Variants in PRKCA observed in about 807,000 individuals in gnomAD.
PRKCA encodes the protein protein kinase C alpha type.
A neutral mutation model predicts 87.0 loss-of-function variants in PRKCA; 27 were observed. The observed-to-expected ratio is 0.31, with a 90% confidence interval of 0.23 to 0.43. PRKCA has a LOEUF of 0.43. PRKCA is among the 20% of genes least tolerant of loss of function. The pLI is 1.00. For synonymous variants in PRKCA, 329 were observed against 311.1 expected (o/e 1.06, Z -0.61); for missense variants, 518 against 852.3 (o/e 0.61, Z 4.88).
At chr17:66,459,656 A>G (rs966587836) in intron 2 of PRKCA, among the ~76,000 whole-genome samples, 2 of 152,154 alleles carry the variant, frequency 1.3e-5, no homozygotes, top group African/African-American at 4.8e-5. Context: ...TAAGCAGCAA[A>G]GAGAGACCCA....
chr17:66,399,814 A>G (rs1409838535), intron 2 of PRKCA, among the ~76,000 whole-genome samples: 1 of 152,188 alleles, frequency 6.6e-6, no homozygotes, highest in South Asian at 2.1e-4. Context: ...TGAATAATAT[A>G]ACATTATATA....
intron 2 of PRKCA, among the ~76,000 whole-genome samples, chr17:66,396,276 T>TA: frequency 6.6e-6 from 1 of 152,180 alleles, no homozygotes; most frequent in Admixed American, 6.5e-5. Flanking sequence ...AACATTAGAG[T>TA]ATTTTGTGTG....
chr17:66,482,114 A>G (rs918365831), intron 2 of PRKCA, among the ~76,000 whole-genome samples: 8 of 150,502 alleles, frequency 5.3e-5, no homozygotes, highest in Admixed American at 1.3e-4. Flanking sequence ...AAAAAAAAAA[A>G]AAAGAAAAAA....
At chr17:66,655,707 CGAT>C (rs149408133) in intron 5 of PRKCA, among the ~76,000 whole-genome samples, 1 of 151,942 alleles carries the variant, frequency 6.6e-6, no homozygotes, top group Non-Finnish European at 1.5e-5. Context: ...TCTGTTGAGC[CGAT>C]GATGATGATG....
chr17:66,540,392 G>C (rs1397849637), intron 3 of PRKCA, among the ~76,000 whole-genome samples: 2 of 152,168 alleles, frequency 1.3e-5, no homozygotes, highest in South Asian at 4.1e-4. Context: ...GGGGCTTGAC[G>C]CTGGGGGGAC....
intron 2 of PRKCA, among the ~76,000 whole-genome samples, chr17:66,494,411 G>C (rs769239522): frequency 1.3e-5 from 2 of 152,172 alleles, no homozygotes; most frequent in African/African-American, 4.8e-5. Context: ...ATGCTCCCAG[G>C]GGGAGGAAGA....
chr17:66,789,540 T>G (rs1460518751), intron 16 of PRKCA, among the ~76,000 whole-genome samples: 5 of 152,204 alleles, frequency 3.3e-5, no homozygotes, highest in African/African-American at 1.2e-4. Flanking sequence ...CCCTGTTTGA[T>G]TCCCATTTTT....
chr17:66,353,579 G>A (rs1269503481), intron 2 of PRKCA, among the ~76,000 whole-genome samples: 3 of 152,138 alleles, frequency 2.0e-5, no homozygotes, highest in Non-Finnish European at 4.4e-5. Flanking sequence ...AGCCGGGTGT[G>A]GTGGCCTGCT....
chr17:66,549,356 GTGAC>G (rs748967089), intron 3 of PRKCA, among the ~76,000 whole-genome samples: 2 of 152,120 alleles, frequency 1.3e-5, no homozygotes, highest in Non-Finnish European at 2.9e-5. Flanking sequence ...ATTTGCTTCT[GTGAC>G]TGATAACAGG....
At chr17:66,611,681 C>G (rs1323122471) in intron 3 of PRKCA, among the ~76,000 whole-genome samples, 2 of 152,040 alleles carry the variant, frequency 1.3e-5, no homozygotes, top group East Asian at 3.9e-4. Flanking sequence ...TTTTTGTTTT[C>G]TTGGGTCTGT....
At chr17:66,362,918 T>G (rs1015555891) in intron 2 of PRKCA, among the ~76,000 whole-genome samples, 3 of 152,172 alleles carry the variant, frequency 2.0e-5, no homozygotes, top group Non-Finnish European at 4.4e-5. Flanking sequence ...GGTCTCAAAC[T>G]CCTGGCCTCA....
At chr17:66,648,519 C>G (rs191518843) in intron 5 of PRKCA, among the ~76,000 whole-genome samples, 19 of 152,246 alleles carry the variant, frequency 1.2e-4, no homozygotes, top group Middle Eastern at 3.4e-3. Context: ...TTAAATGGCA[C>G]ATGCGGAGAG....
At chr17:66,447,089 A>G (rs980974011) in intron 2 of PRKCA, among the ~76,000 whole-genome samples, 2 of 152,198 alleles carry the variant, frequency 1.3e-5, no homozygotes, top group African/African-American at 4.8e-5. Context: ...ATCAAAAGAC[A>G]GACTGCGAAG....
At chr17:66,320,390 A>ATTT (rs1567770368) in intron 2 of PRKCA, among the ~76,000 whole-genome samples, 2,231 of 150,728 alleles carry the variant, frequency 0.015, 44 homozygotes, top group African/African-American at 0.048. Context: ...TTTTTTTTTA[A>ATTT]AAAAAGAAAG....
chr17:66,775,701 A>C, intron 14 of PRKCA: 1 of 985,384 alleles, frequency 1.0e-6, no homozygotes, highest in Non-Finnish European at 1.2e-6. Flanking sequence ...TCTGGGGAAA[A>C]AGTCTTCCCT....
At chr17:66,607,307 A>G (rs1022304979) in intron 3 of PRKCA, among the ~76,000 whole-genome samples, 12 of 152,182 alleles carry the variant, frequency 7.9e-5, no homozygotes, top group Non-Finnish European at 7.3e-5. Context: ...CCCAATTTAC[A>G]TAGTTCTGTG....
At chr17:66,485,161 G>A (rs1352592989) in intron 2 of PRKCA, among the ~76,000 whole-genome samples, 1 of 152,126 alleles carries the variant, frequency 6.6e-6, no homozygotes, top group Non-Finnish European at 1.5e-5. Flanking sequence ...GGGAATTGGT[G>A]TATAGTAAGT....
At chr17:66,566,657 T>C (rs146682607) in intron 3 of PRKCA, among the ~76,000 whole-genome samples, 7 of 152,220 alleles carry the variant, frequency 4.6e-5, no homozygotes, top group African/African-American at 1.7e-4. Context: ...AATATAATCA[T>C]TTATTAGACC....
At chr17:66,800,724 C>G (rs143074403) in intron 16 of PRKCA, among the ~76,000 whole-genome samples, 2 of 152,240 alleles carry the variant, frequency 1.3e-5, no homozygotes, top group East Asian at 3.8e-4. Context: ...TTGCAGAACA[C>G]ATTGATAAAT....
Sources: gnomAD v4.1 joint callset for allele counts (sites outside exome capture counted in the v4.1 genomes callset) on GRCh38, gnomAD v4.1.1 for gene constraint, MANE v1.5 for transcripts, NCBI Gene and HGNC (gene_info 2026-07-23, HGNC 2026-07-21) for gene names.